The following FAF1 variants were observed in gnomAD, a reference collection of about 807,000 sequenced individuals.
FAF1 encodes the protein FAS-associated factor 1.
A neutral mutation model predicts 92.5 loss-of-function variants in FAF1; 25 were observed. The ratio of observed to expected loss-of-function variants is 0.27; its 90% CI spans 0.20 to 0.38. FAF1 has a LOEUF of 0.38. Among genes scored for constraint, FAF1 ranks in the 10% least tolerant of loss-of-function variants. The pLI, the probability that FAF1 is intolerant of heterozygous loss-of-function variation, is 1.00. For synonymous variants in FAF1, 234 were observed against 273.2 expected (o/e 0.86, Z 1.42); for missense variants, 636 against 793.3 (o/e 0.80, Z 2.38).
intron 1 of FAF1, among the ~76,000 whole-genome samples, chr1:50,957,643 T>G (rs1297882283): frequency 1.3e-5 from 2 of 152,052 alleles, no homozygotes; most frequent in African/African-American, 4.8e-5. Flanking sequence ...TGAGCCACCA[T>G]GCCCGGCCGA....
chr1:50,874,628 G>C (rs1470842468), intron 1 of FAF1, among the ~76,000 whole-genome samples: 1 of 151,924 alleles, frequency 6.6e-6, no homozygotes, highest in Non-Finnish European at 1.5e-5. Context: ...CAATGCACAA[G>C]GATTACTGGC....
In FAF1 at chr1:50,441,009, T is replaced by G. The variant is rs1277267346; in HGVS notation, c.*431A>C. On this transcript the variant is annotated 3_prime_UTR_variant, in exon 19 of 19. Coordinates refer to ENST00000396153, the MANE Select transcript of FAF1 (RefSeq NM_007051.3). ...TTTCCCTCTGCCCCTTAAAATTAGG[T>G]GATGAAGTAGAAATTCAGTCATGAA... 1 of 154,360 alleles carries G rather than the reference T, an allele frequency of 6.5e-6. No individual in the cohort carries two copies. The highest frequency in any genetic ancestry group is 1.4e-5 in the Non-Finnish European group (1 of 69,600). The allele number at this position is 154,360 out of a possible 1,614,324, so 9.6% of individuals were successfully genotyped here. A position where few individuals can be genotyped will look rare whatever the true frequency, so the allele number is the denominator to read the frequency against.
At chr1:50,672,019 C>CT (rs370154209) in intron 7 of FAF1, among the ~76,000 whole-genome samples, 60,254 of 137,912 alleles carry the variant, frequency 0.44, 13,238 homozygotes, top group Middle Eastern at 0.53. Flanking sequence ...GGTGGTCTTT[C>CT]TTTTTTTTTT....
At chr1:50,545,212 C>T (rs1572822643) in intron 13 of FAF1, among the ~76,000 whole-genome samples, 1 of 152,022 alleles carries the variant, frequency 6.6e-6, no homozygotes, top group East Asian at 1.9e-4. Flanking sequence ...ATAGTAATAG[C>T]ACATAAGCAT....
chr1:50,724,300 C>CACAT (rs1553132410), intron 6 of FAF1, among the ~76,000 whole-genome samples: 1 of 131,528 alleles, frequency 7.6e-6, no homozygotes, highest in African/African-American at 3.1e-5. Flanking sequence ...CACACATACA[C>CACAT]ACACACACAC....
intron 2 of FAF1, among the ~76,000 whole-genome samples, chr1:50,808,346 G>A (rs1028092609): frequency 2.6e-5 from 4 of 151,976 alleles, no homozygotes; most frequent in South Asian, 2.1e-4. Flanking sequence ...TAAAGCAACC[G>A]CACAATTAAG....
intron 1 of FAF1, among the ~76,000 whole-genome samples, chr1:50,865,987 A>C (rs1644478710): frequency 6.6e-6 from 1 of 152,120 alleles, no homozygotes; most frequent in South Asian, 2.1e-4. Context: ...TGCATATCAA[A>C]ATGAGAATCC....
chr1:50,631,960 C>A (rs1287595636), intron 8 of FAF1, among the ~76,000 whole-genome samples: 1 of 152,062 alleles, frequency 6.6e-6, no homozygotes, highest in East Asian at 1.9e-4. Context: ...TCTTATTGTG[C>A]CTAATTTACA....
At chr1:50,931,422 TACAGTTCCACATAGC>T (rs762996515) in intron 1 of FAF1, among the ~76,000 whole-genome samples, 198 of 152,322 alleles carry the variant, frequency 1.3e-3, no homozygotes, top group Non-Finnish European at 2.3e-3. Flanking sequence ...TAATTGGACT[TACAGTTCCACATAGC>T]TGGGGAAGCC....
intron 2 of FAF1, among the ~76,000 whole-genome samples, chr1:50,827,205 AAAAG>A (rs1428682874): frequency 6.6e-6 from 1 of 152,144 alleles, no homozygotes; most frequent in Non-Finnish European, 1.5e-5. Flanking sequence ...AAATGTGGGG[AAAAG>A]AAAGAGAGAT....
chr1:50,746,687 T>C (rs897912410), intron 4 of FAF1, among the ~76,000 whole-genome samples: 1 of 152,022 alleles, frequency 6.6e-6, no homozygotes, highest in African/African-American at 2.4e-5. Context: ...AAAAGCCAAT[T>C]TTCAGGGGAG....
chr1:50,885,289 G>GTCTCTTTC (rs1644649574), intron 1 of FAF1, among the ~76,000 whole-genome samples: 1 of 88,298 alleles, frequency 1.1e-5, no homozygotes, highest in African/African-American at 6.8e-5. Flanking sequence ...TTCTCTCCGT[G>GTCTCTTTC]TCTCTTTCTC....
intron 6 of FAF1, among the ~76,000 whole-genome samples, chr1:50,724,591 T>C (rs1277664740): frequency 6.6e-6 from 1 of 152,176 alleles, no homozygotes; most frequent in Non-Finnish European, 1.5e-5. Flanking sequence ...AAGATAAAAT[T>C]TCTGCCCATG....
At chr1:50,565,695 T>C (rs1230729511) in intron 13 of FAF1, among the ~76,000 whole-genome samples, 1 of 152,078 alleles carries the variant, frequency 6.6e-6, no homozygotes, top group Non-Finnish European at 1.5e-5. Flanking sequence ...GAAACTACAC[T>C]GCAATTTTTT....
intron 15 of FAF1, among the ~76,000 whole-genome samples, chr1:50,508,492 T>C (rs1647088210): frequency 1.3e-5 from 2 of 152,230 alleles, no homozygotes; most frequent in Non-Finnish European, 2.9e-5. Context: ...AAGTCATATA[T>C]TGTATGATTC....
chr1:50,905,937 T>A (rs184112992), intron 1 of FAF1, among the ~76,000 whole-genome samples: 9,199 of 152,240 alleles, frequency 0.06, 373 homozygotes, highest in Non-Finnish European at 0.089. Flanking sequence ...GGTGTTTTAG[T>A]CATGAAGTCC....
chr1:50,517,700 T>C (rs2149027810), intron 15 of FAF1, among the ~76,000 whole-genome samples: 1 of 152,330 alleles, frequency 6.6e-6, no homozygotes, highest in African/African-American at 2.4e-5. Context: ...CAATCCCAAC[T>C]GTTGTCTGTC....
intron 8 of FAF1, among the ~76,000 whole-genome samples, chr1:50,619,917 T>C (rs1416165044): frequency 6.6e-6 from 1 of 151,210 alleles, no homozygotes; most frequent in African/African-American, 2.4e-5. Flanking sequence ...CTCTTTTTTT[T>C]TTTTTTTTTG....
At chr1:50,779,722 C>A (rs72902748) in intron 4 of FAF1, among the ~76,000 whole-genome samples, 1 of 151,674 alleles carries the variant, frequency 6.6e-6, no homozygotes, top group Non-Finnish European at 1.5e-5. Context: ...TAGATTGTTA[C>A]CAGCTTAAAA....
Sources: gnomAD v4.1 joint callset for allele counts (sites outside exome capture counted in the v4.1 genomes callset) on GRCh38, gnomAD v4.1.1 for gene constraint, MANE v1.5 for transcripts, NCBI Gene and HGNC (gene_info 2026-07-23, HGNC 2026-07-21) for gene names.